TULP3: variants seen among roughly 807,000 people sequenced by gnomAD.
The protein encoded by TULP3 is tubby-related protein 3.
TULP3 carries 38 observed loss-of-function variants against 50.7 expected under a neutral mutation model. That is an observed-to-expected ratio of 0.75 (90% CI 0.58 to 0.98). The LOEUF (loss-of-function observed/expected upper bound fraction) is 0.98. Among genes scored for constraint, TULP3 ranks in the 50% least tolerant of loss-of-function variants. TULP3 has a pLI of 0.00. For missense variants in TULP3, 550 were observed against 568.0 expected (o/e 0.97, Z 0.32); for synonymous variants, 183 against 196.6 (o/e 0.93, Z 0.58).
At chr12:2,930,987 C>G (rs563819105) in intron 5 of TULP3, 50 bp from the exon 6 acceptor site, 1 of 1,598,640 alleles carries the variant, frequency 6.3e-7, no homozygotes, top group East Asian at 2.2e-5. Context: ...CAAAGAGAAT[C>G]AGATTTTGAG....
At chr12:2,920,721 T>G (rs939977693) in intron 2 of TULP3, 42 bp from the exon 3 acceptor site, 4 of 1,610,484 alleles carry the variant, frequency 2.5e-6, no homozygotes, top group Non-Finnish European at 3.4e-6. Context: ...TTAGGTCATG[T>G]CAAAACTCTC....
At chr12:2,934,322 A>G (rs2098199849) in intron 7 of TULP3, 125 bp from the exon 8 acceptor site, 1 of 576,230 alleles carries the variant, frequency 1.7e-6, no homozygotes, top group South Asian at 3.4e-5. Context: ...TTTTTGAAAA[A>G]GTGATGATGA....
rs529766464 is a variant in TULP3, at chr12:2,901,761, G to A, written c.42-7768G>A. Among the ~76,000 whole-genome samples the A allele has an allele frequency of 3.2e-4, 49 of 152,234 alleles. 1 individual carries two copies. The highest frequency in any genetic ancestry group is 1.1e-3 in the African/African-American group (46 of 41,554). On this transcript the variant is annotated intron_variant, in intron 1 of 10. Coordinates refer to ENST00000448120, the MANE Select transcript of TULP3 (RefSeq NM_003324.5). ...AATATTAATTTTTTGTTGGATATAT[G>A]TTTCACAAATATTTTCCCTAGTTTG...
chr12:2,940,669 G>T lies in TULP3; in HGVS notation c.*1225G>T, dbSNP rs569031184. ...GGCTGCTCCCTCAGACCTCCCTTCT[G>T]TGGACTGACCTCTCACCTCCGCCTG... On this transcript the variant is annotated 3_prime_UTR_variant, in exon 11 of 11. Coordinates refer to ENST00000448120, the MANE Select transcript of TULP3 (RefSeq NM_003324.5). 2 of 1,551,716 alleles carry T rather than the reference G, an allele frequency of 1.3e-6. No individual in the cohort carries two copies. Among genetic ancestry groups the T allele is most frequent in the African/African-American group, 1.4e-5 (1 of 73,180 alleles).
intron 9 of TULP3, 115 bp from the exon 10 acceptor site, chr12:2,937,999 C>A: frequency 8.4e-7 from 1 of 1,189,560 alleles, no homozygotes; most frequent in Non-Finnish European, 1.2e-6. Flanking sequence ...TGTTGGCTTT[C>A]ATTCTTCGCT....
chr12:2,920,853 C>T lies in TULP3; in HGVS notation c.184C>T (p.Pro62Ser), dbSNP rs777297562. 11 of 1,614,124 alleles carry T rather than the reference C, an allele frequency of 6.8e-6. No homozygotes were observed. Among genetic ancestry groups the T allele is most frequent in the Non-Finnish European group, 9.3e-6 (11 of 1,180,026 alleles). Residue 62 changes from proline (P) to serine (S), a missense_variant, in exon 3 of 11, where the codon CCA (proline) becomes TCA (serine). By Grantham distance (74) the Pro-to-Ser change is moderately conservative. Coordinates refer to ENST00000448120, the MANE Select transcript of TULP3 (RefSeq NM_003324.5). ...NPEARLRRAK[P>S]RASDEQTPLV... ...AGAAGCCAGGCTACGTCGGGCAAAGCCAAGGGCCAGTGATGAGCAGACTCC... is the reference window on the plus strand; with the variant it reads ...AGAAGCCAGGCTACGTCGGGCAAAGTCAAGGGCCAGTGATGAGCAGACTCC...
At chr12:2,906,448 C>A (rs988619101) in intron 1 of TULP3, among the ~76,000 whole-genome samples, 63 of 150,604 alleles carry the variant, frequency 4.2e-4, no homozygotes, top group African/African-American at 1.5e-3. Flanking sequence ...CCTGCCTCAG[C>A]CTCCTGAGTA....
At position 2,931,164 on chromosome 12, in the gene TULP3, T is replaced by C; in HGVS notation, c.620T>C (p.Ile207Thr). The change falls in exon 6 of 11, where the codon ATC becomes ACC. Residue 207 changes from isoleucine to threonine, a missense_variant. Coordinates refer to ENST00000448120, the MANE Select transcript of TULP3 (RefSeq NM_003324.5). ...GGTGTCACAGTAAGATGTCGGATAA[T>C]CCGGGATAAAAGGGGAATGGATCGG... is the stretch of plus-strand genomic sequence containing the variant. The part of the protein sequence containing the change: ...PQGVTVRCRI[I>T]RDKRGMDRGL... 1.9e-6 allele frequency: 3 copies of C among 1,614,172 alleles called. No individual in the cohort carries two copies. Among genetic ancestry groups the C allele is most frequent in the Non-Finnish European group, 2.5e-6 (3 of 1,180,046 alleles).
At chr12:2,893,332 T>TTTTTC (rs1555110468) in intron 1 of TULP3, among the ~76,000 whole-genome samples, 1 of 150,494 alleles carries the variant, frequency 6.6e-6, no homozygotes, top group East Asian at 1.9e-4. Flanking sequence ...AATGTGTTTT[T>TTTTTC]TTTTTTTTTT....
intron 2 of TULP3, among the ~76,000 whole-genome samples, chr12:2,911,664 CTTTTTTT>C (rs56027951): frequency 2.6e-5 from 1 of 38,168 alleles, no homozygotes; most frequent in Non-Finnish European, 5.1e-5. Flanking sequence ...TGCGCCCAGC[CTTTTTTT>C]TTTTTTTTTT....
chr12:2,892,421 A>G (rs746025328), intron 1 of TULP3, among the ~76,000 whole-genome samples: 9 of 151,928 alleles, frequency 5.9e-5, no homozygotes, highest in Admixed American at 6.6e-5. Flanking sequence ...AGTAAATTTC[A>G]TGAGTACCAG....
rs1269807743 is a variant in TULP3 at position 2,920,815 on chromosome 12, T to C, written c.146T>C (p.Val49Ala). 1.2e-6 allele frequency: 2 copies of C among 1,614,114 alleles called. No homozygotes were observed. Among genetic ancestry groups the C allele is most frequent in the South Asian group, 1.1e-5 (1 of 91,082 alleles). ...AAAAAGCGCCTTGAGCCATTTATGG[T>C]GCAGCCCAATCCAGAAGCCAGGCTA... ...QRKKRLEPFM[V>A]QPNPEARLRR... Residue 49 changes from valine to alanine, a missense_variant, in exon 3 of 11, where the codon GTG becomes GCG. Transcript: ENST00000448120.
Position 2,917,396 on chromosome 12 carries a change from C to G in TULP3, c.94-3367C>G, listed in dbSNP as rs569828505. 3.3e-5 allele frequency among the ~76,000 whole-genome samples: 5 copies of G among 151,624 alleles called. No individual in the cohort carries two copies. The East Asian group carries it at 7.8e-4, about 24-fold the overall frequency. On this transcript the variant is annotated intron_variant, in intron 2 of 10. Transcript: ENST00000448120. ...CTGAGGCAGGAAAATTGCATGAACC[C>G]GTGAGGCAGAGGTTGCAGTGAGCCG...
chr12:2,911,607 C>T (rs1376443680), intron 2 of TULP3, among the ~76,000 whole-genome samples: 8 of 149,206 alleles, frequency 5.4e-5, no homozygotes, highest in Non-Finnish European at 8.9e-5. Context: ...CCTCATGATC[C>T]GCCCGCCTTA....
chr12:2,891,499 A>G (rs1160244091), intron 1 of TULP3, among the ~76,000 whole-genome samples: 1 of 152,144 alleles, frequency 6.6e-6, no homozygotes, highest in African/African-American at 2.4e-5. Context: ...TCTGCTTTCC[A>G]GTGTTTGTCC....
intron 1 of TULP3, among the ~76,000 whole-genome samples, chr12:2,892,861 C>A (rs189247435): frequency 6.7e-4 from 97 of 145,070 alleles, no homozygotes; most frequent in Middle Eastern, 7.2e-3. Context: ...ATTTTCTTTT[C>A]TTTTAATTTT....
chr12:2,933,394 G>C, intron 6 of TULP3, 24 bp from the exon 7 acceptor site: 2 of 1,536,554 alleles, frequency 1.3e-6, no homozygotes, highest in Non-Finnish European at 1.8e-6. Flanking sequence ...CTTCATTTTT[G>C]ACTGACACTT....
At chr12:2,892,795 C>G (rs941686226) in intron 1 of TULP3, among the ~76,000 whole-genome samples, 26 of 152,090 alleles carry the variant, frequency 1.7e-4, no homozygotes, top group Non-Finnish European at 7.4e-5. Context: ...CAGGCGTGAG[C>G]CACTGCGCCT....
chr12:2,939,203 C>A lies in TULP3; in HGVS notation c.1196-108C>A. 1 of 1,282,218 alleles carries A rather than the reference C, an allele frequency of 7.8e-7. No individual in the cohort carries two copies. Among genetic ancestry groups the A allele is most frequent in the Non-Finnish European group, 1.1e-6 (1 of 918,144 alleles). The allele number at this position is 1,282,218 out of a possible 1,614,324, so 79.4% of individuals were successfully genotyped here. ...CTGTGGTCATTCCACTAGGCTCCAGCCAGGGCGACAGAGCAAAACCCCATC... is the reference window on the plus strand; with the variant it reads ...CTGTGGTCATTCCACTAGGCTCCAGACAGGGCGACAGAGCAAAACCCCATC... On this transcript the variant is annotated intron_variant, in intron 10 of 10. Transcript: ENST00000448120. This position sits in a 1 kb window ranked among gnomAD's most constrained non-coding sequence, Gnocchi z 4.0.
Sources: allele counts gnomAD v4.1 joint callset (sites outside exome capture counted in the v4.1 genomes callset), GRCh38; gene constraint gnomAD v4.1.1; non-coding constraint Gnocchi (gnomAD v3.1); transcripts MANE v1.5; gene names NCBI Gene and HGNC (gene_info 2026-07-23, HGNC 2026-07-21).